DLGAP1: variants seen among roughly 807,000 people sequenced by gnomAD.
DLGAP1 encodes the protein DLG associated protein 1.
DLGAP1 carries 11 observed loss-of-function variants against 90.8 expected under a neutral mutation model. The observed-to-expected ratio is 0.12, with a 90% CI of 0.08 to 0.20. DLGAP1 has a LOEUF of 0.20. Ranked by LOEUF, DLGAP1 falls within the 10% of genes least tolerant of loss-of-function variation. DLGAP1 has a pLI of 1.00. For missense variants in DLGAP1, 1,050 were observed against 1,333.8 expected (o/e 0.79, Z 3.31); for synonymous variants, 558 against 540.7 (o/e 1.03, Z -0.44).
chr18:3,618,782 C>CA (rs61319987), intron 7 of DLGAP1, among the ~76,000 whole-genome samples: 6 of 149,002 alleles, frequency 4.0e-5, no homozygotes, highest in Admixed American at 6.7e-5. Flanking sequence ...ACTAAAAATA[C>CA]AAAAAAATTA....
At chr18:4,406,581 G>C (rs2082669454) in intron 1 of DLGAP1, among the ~76,000 whole-genome samples, 1 of 152,168 alleles carries the variant, frequency 6.6e-6, no homozygotes, top group Admixed American at 6.5e-5. Context: ...CACACTGCTA[G>C]GAAAAGGCAA....
At chr18:3,905,494 A>G (rs1247405576) in intron 3 of DLGAP1, among the ~76,000 whole-genome samples, 3 of 151,984 alleles carry the variant, frequency 2.0e-5, no homozygotes, top group Admixed American at 2.0e-4. Flanking sequence ...ATTTGTTTAT[A>G]ATTACCAACT....
chr18:3,960,777 G>GTGCC (rs2073182223), intron 3 of DLGAP1, among the ~76,000 whole-genome samples: 1 of 152,308 alleles, frequency 6.6e-6, no homozygotes, highest in South Asian at 2.1e-4. Context: ...CTCCCTGCAG[G>GTGCC]TGCCTGCTCC....
At chr18:4,271,741 C>T (rs1212981407) in intron 1 of DLGAP1, among the ~76,000 whole-genome samples, 5 of 152,132 alleles carry the variant, frequency 3.3e-5, no homozygotes, top group Non-Finnish European at 7.4e-5. Context: ...TCAATTATTA[C>T]TTCTTAGTGA....
chr18:4,366,895 A>G (rs887517594), intron 1 of DLGAP1, among the ~76,000 whole-genome samples: 6 of 151,586 alleles, frequency 4.0e-5, no homozygotes, highest in Admixed American at 2.0e-4. Context: ...CACAATAATT[A>G]CATATAGGCA....
chr18:4,387,930 TACACACACACACACACA>T lies in DLGAP1; in HGVS notation c.-267+67059_-267+67075del, dbSNP rs2082267177. Among the ~76,000 whole-genome samples the T allele has an allele frequency of 1.1e-4, 14 of 123,338 alleles. No homozygotes were observed. In the Middle Eastern group the frequency reaches 0.013, roughly 110 times the overall value. 80.9% of individuals were successfully genotyped at this position (123,338 alleles called of 152,430 possible). ...TGGGTGACAGAGACTCCATCACACA[TACACACACACACACACA>T]CACACACACACACACACACACACAC... On this transcript the variant is annotated intron_variant, in intron 1 of 12. Coordinates refer to ENST00000315677, the MANE Select transcript of DLGAP1 (RefSeq NM_004746.4).
At chr18:4,301,485 T>C (rs1030322032) in intron 1 of DLGAP1, among the ~76,000 whole-genome samples, 1 of 152,240 alleles carries the variant, frequency 6.6e-6, no homozygotes, top group African/African-American at 2.4e-5. Context: ...TAAAAGTGCA[T>C]AGTACTCCAT....
At chr18:4,138,334 T>C (rs1023346263) in intron 2 of DLGAP1, among the ~76,000 whole-genome samples, 1 of 152,054 alleles carries the variant, frequency 6.6e-6, no homozygotes, top group African/African-American at 2.4e-5. Flanking sequence ...AAAGTGATGT[T>C]AGATTTTATC....
rs368465924 is a variant in DLGAP1 at position 4,334,280 on chromosome 18, C to A, written c.-267+120726G>T. On this transcript the variant is annotated intron_variant, in intron 1 of 12. Coordinates refer to ENST00000315677, the MANE Select transcript of DLGAP1 (RefSeq NM_004746.4). Reference sequence around the variant, plus strand: ...ACAAAAAAACAACGCTCACCTCAGTCTATTTCATATGTTAGTCTAGTCTCT... The same window carrying A: ...ACAAAAAAACAACGCTCACCTCAGTATATTTCATATGTTAGTCTAGTCTCT... Among the ~76,000 whole-genome samples the A allele has an allele frequency of 2.6e-5, 4 of 151,848 alleles. No individual in the cohort carries two copies. The South Asian group carries it at 8.3e-4, about 31-fold the overall frequency.
chr18:4,027,502 T>TC (rs1436108056), intron 2 of DLGAP1, among the ~76,000 whole-genome samples: 1 of 32,588 alleles, frequency 3.1e-5, no homozygotes, highest in Non-Finnish European at 5.0e-5. Flanking sequence ...AGACTCCGTC[T>TC]CAAAAAAAAA....
chr18:3,840,633 G>C (rs2068660475), intron 4 of DLGAP1, among the ~76,000 whole-genome samples: 1 of 152,166 alleles, frequency 6.6e-6, no homozygotes, highest in South Asian at 2.1e-4. Context: ...CCTGAGATTA[G>C]AGTGTGGCCC....
chr18:3,939,451 A>C (rs1396598930), intron 3 of DLGAP1, among the ~76,000 whole-genome samples: 4 of 150,144 alleles, frequency 2.7e-5, no homozygotes, highest in Non-Finnish European at 5.9e-5. Context: ...CAACAAAAAA[A>C]CACCAAAAAA....
At chr18:3,751,469 A>T (rs959189593) in intron 5 of DLGAP1, among the ~76,000 whole-genome samples, 3 of 150,374 alleles carry the variant, frequency 2.0e-5, no homozygotes, top group African/African-American at 4.9e-5. Flanking sequence ...GCTAATTAAA[A>T]TTTTTTTTTG....
intron 3 of DLGAP1, among the ~76,000 whole-genome samples, chr18:3,898,673 T>C (rs1232642579): frequency 6.6e-6 from 1 of 152,234 alleles, no homozygotes; most frequent in Admixed American, 6.5e-5. Context: ...TGCTTTGCTA[T>C]CACTGATGTG....
At chr18:4,271,839 T>C (rs749040519) in intron 1 of DLGAP1, among the ~76,000 whole-genome samples, 3 of 152,174 alleles carry the variant, frequency 2.0e-5, no homozygotes, top group Non-Finnish European at 4.4e-5. Flanking sequence ...TGACTTAATA[T>C]ATTTTGAGAA....
intron 7 of DLGAP1, among the ~76,000 whole-genome samples, chr18:3,588,472 AG>A (rs1230206025): frequency 6.7e-6 from 1 of 150,322 alleles, no homozygotes; most frequent in Non-Finnish European, 1.5e-5. Context: ...AAAAAAAAAA[AG>A]TTATATTTTT....
chr18:4,026,673 T>C (rs1251777930), intron 2 of DLGAP1, among the ~76,000 whole-genome samples: 2 of 152,242 alleles, frequency 1.3e-5, no homozygotes, highest in Non-Finnish European at 2.9e-5. Flanking sequence ...AACTATCCTT[T>C]AGTGGTGCCA....
At chr18:3,664,263 C>G (rs951134063) in intron 7 of DLGAP1, among the ~76,000 whole-genome samples, 4 of 134,452 alleles carry the variant, frequency 3.0e-5, no homozygotes, top group African/African-American at 1.6e-4. Context: ...CTGGAGAACT[C>G]TGACTAATAC....
intron 3 of DLGAP1, among the ~76,000 whole-genome samples, chr18:3,994,076 G>A (rs1160480752): frequency 6.6e-6 from 1 of 152,098 alleles, no homozygotes; most frequent in Non-Finnish European, 1.5e-5. Context: ...TATTAAGAGT[G>A]AGAATGTTCA....
Sources: allele counts gnomAD v4.1 joint callset (sites outside exome capture counted in the v4.1 genomes callset), GRCh38; gene constraint gnomAD v4.1.1; transcripts MANE v1.5; gene names NCBI Gene and HGNC (gene_info 2026-07-23, HGNC 2026-07-21).